The following EXOC2 variants were observed in gnomAD, a reference collection of about 807,000 sequenced individuals.
EXOC2 encodes exocyst complex component 2, also known as SEC5-like 1.
A neutral mutation model predicts 131.8 loss-of-function variants in EXOC2; 70 were observed. The ratio of observed to expected loss-of-function variants is 0.53; its 90% confidence interval spans 0.44 to 0.65. EXOC2 has a LOEUF of 0.65. Among genes scored for constraint, EXOC2 ranks in the 30% least tolerant of loss-of-function variants. The pLI is 0.00. For synonymous variants in EXOC2, 411 were observed against 398.4 expected (o/e 1.03, Z -0.38); for missense variants, 923 against 1,108.6 (o/e 0.83, Z 2.38).
In EXOC2 at chr6:507,336, C is replaced by A. The variant is rs569958241; in HGVS notation, c.2381-7636G>T. 2.2e-4 allele frequency among the ~76,000 whole-genome samples: 12 copies of A among 55,354 alleles called. No homozygotes were observed. In the South Asian group the frequency reaches 0.016, roughly 72 times the overall value. 36.3% of individuals were successfully genotyped at this position (55,354 alleles called of 152,430 possible). ...ACACACACAAAGAAGTGACCCCCCC[C>A]ACACACACCACAGCAGTGACCCCAC... is the stretch of plus-strand genomic sequence containing the variant. On this transcript the variant is annotated intron_variant, in intron 23 of 27. Transcript: ENST00000230449.
At chr6:502,338 C>T (rs973879615) in intron 23 of EXOC2, among the ~76,000 whole-genome samples, 10 of 152,208 alleles carry the variant, frequency 6.6e-5, no homozygotes, top group South Asian at 6.2e-4. Flanking sequence ...ACTGGAAATG[C>T]GAAGGCAGTT....
chr6:596,169 C>T (rs191377300), intron 10 of EXOC2, among the ~76,000 whole-genome samples: 2 of 151,926 alleles, frequency 1.3e-5, no homozygotes, highest in African/African-American at 4.8e-5. Flanking sequence ...GGGGTGGCAG[C>T]ATGCAAACAC....
intron 1 of EXOC2, among the ~76,000 whole-genome samples, chr6:658,130 A>C (rs551890488): frequency 1.5e-4 from 23 of 152,250 alleles, no homozygotes; most frequent in Non-Finnish European, 2.2e-4. Context: ...CCTAGCTGAT[A>C]CACATAATTC....
Position 556,040 on chromosome 6 carries a change from T to C in EXOC2, c.1933-27A>G, listed in dbSNP as rs777527727. On this transcript the variant is annotated intron_variant, in intron 18 of 27. Transcript: ENST00000230449. ...TGTAAGGAAGAATTTTGATGAAAAT[T>C]TTTGGACTTTGCTAAGAAAAGGTTT... 1.7e-5 allele frequency: 27 copies of C among 1,609,314 alleles called. No individual in the cohort carries two copies. The African/African-American group carries it at 3.0e-4, about 18-fold the overall frequency.
At chr6:575,301 C>G (rs1758512933) in intron 12 of EXOC2, among the ~76,000 whole-genome samples, 1 of 152,180 alleles carries the variant, frequency 6.6e-6, no homozygotes, top group Admixed American at 6.5e-5. Flanking sequence ...AAGAACAGTT[C>G]TTATATTTTG....
chr6:667,707 C>A (rs192845852), intron 1 of EXOC2, among the ~76,000 whole-genome samples: 1 of 76,926 alleles, frequency 1.3e-5, no homozygotes, highest in African/African-American at 3.7e-5. Flanking sequence ...TGGCCTCAGA[C>A]TGAGAGATAC....
intron 11 of EXOC2, among the ~76,000 whole-genome samples, chr6:581,192 A>T (rs1758876572): frequency 6.6e-6 from 1 of 151,850 alleles, no homozygotes. Flanking sequence ...GCTACTCGAG[A>T]GGCTGAGGCA....
Position 599,165 on chromosome 6 carries a change from T to A in EXOC2, c.803A>T (p.Asp268Val). 6.2e-7 allele frequency: 1 copy of A among 1,613,128 alleles called. No homozygotes were observed. The highest frequency in any genetic ancestry group is 2.2e-5 in the East Asian group (1 of 44,800). Residue 268 changes from aspartate (D) to valine (V), a missense_variant, in exon 8 of 28, where the codon GAT (aspartate) becomes GTT (valine). By Grantham distance (152) the Asp-to-Val change is radical. Transcript: ENST00000230449. ...QEVLGRKDKADSTRNALNVLQ... is the reference protein window; with the variant it reads ...QEVLGRKDKAVSTRNALNVLQ... ...CACATTGAGTGCATTTCTAGTGGAA[T>A]CTGCCTTGTCTTTCCGACCTAATAC... is the stretch of plus-strand genomic sequence containing the variant.
chr6:505,320 G>C (rs980118179), intron 23 of EXOC2, among the ~76,000 whole-genome samples: 21 of 152,184 alleles, frequency 1.4e-4, no homozygotes. Flanking sequence ...TCAAATGCCG[G>C]TGATGGCTGG....
chr6:569,239 A>C (rs1222130134), intron 13 of EXOC2, among the ~76,000 whole-genome samples: 8 of 152,218 alleles, frequency 5.3e-5, no homozygotes, highest in African/African-American at 1.9e-4. Flanking sequence ...TAAAGGTGAG[A>C]TCTTAACCTA....
chr6:576,915 T>TAG, intron 11 of EXOC2, 33 bp from the exon 12 acceptor site: 1 of 1,604,982 alleles, frequency 6.2e-7, no homozygotes, highest in Non-Finnish European at 8.5e-7. Flanking sequence ...ACAGAGTATA[T>TAG]AGCATGCTCT....
intron 11 of EXOC2, among the ~76,000 whole-genome samples, chr6:578,865 G>T (rs1293452148): frequency 1.3e-5 from 2 of 151,980 alleles, no homozygotes; most frequent in Non-Finnish European, 2.9e-5. Context: ...AGTGATTTAT[G>T]ACATTTTCCT....
intron 1 of EXOC2, among the ~76,000 whole-genome samples, chr6:644,267 CAAAG>C (rs1475474918): frequency 1.3e-5 from 2 of 152,042 alleles, no homozygotes; most frequent in Non-Finnish European, 2.9e-5. Context: ...AAATAGATGT[CAAAG>C]AAGCCTTTGA....
At chr6:489,092 A>C in intron 26 of EXOC2, 54 bp from the exon 27 acceptor site, 1 of 1,556,342 alleles carries the variant, frequency 6.4e-7, no homozygotes, top group East Asian at 2.3e-5. Flanking sequence ...AGAACTGCTG[A>C]CAAATTCTTA....
chr6:589,806 TG>T (rs991301456), intron 11 of EXOC2, among the ~76,000 whole-genome samples: 2 of 152,196 alleles, frequency 1.3e-5, no homozygotes, highest in African/African-American at 4.8e-5. Context: ...AATTGATAAC[TG>T]GTTGTTAAAA....
intron 4 of EXOC2, among the ~76,000 whole-genome samples, chr6:623,230 A>G (rs1176672829): frequency 1.3e-5 from 2 of 152,214 alleles, no homozygotes; most frequent in East Asian, 3.9e-4. Context: ...GGGAGGCCCA[A>G]GCCCCTGGAG....
intron 4 of EXOC2, among the ~76,000 whole-genome samples, chr6:629,431 A>T (rs1433310917): frequency 2.6e-5 from 4 of 152,220 alleles, no homozygotes; most frequent in Non-Finnish European, 5.9e-5. Flanking sequence ...ATGAGTAGAC[A>T]TTATAGACAA....
In EXOC2 at chr6:496,686, T is replaced by C. The variant is rs138577172; in HGVS notation, c.2559+681A>G. 4.8e-3 allele frequency among the ~76,000 whole-genome samples: 726 copies of C among 152,334 alleles called. 6 individuals are homozygous for C. The highest frequency in any genetic ancestry group is 0.017 in the African/African-American group (691 of 41,568). On this transcript the variant is annotated intron_variant, in intron 25 of 27. Transcript: ENST00000230449. ...AATCTGCCCACCAATGGTCGTTCTC[T>C]GGTGTCTTCAGGGATTTTTTCAAAA...
intron 26 of EXOC2, among the ~76,000 whole-genome samples, chr6:490,703 A>G (rs1433836976): frequency 6.6e-6 from 1 of 152,210 alleles, no homozygotes; most frequent in Admixed American, 6.5e-5. Flanking sequence ...TCACCTACTG[A>G]TATTTCAATG....
Sources: gnomAD v4.1 joint callset for allele counts (sites outside exome capture counted in the v4.1 genomes callset) on GRCh38, gnomAD v4.1.1 for gene constraint, MANE v1.5 for transcripts, NCBI Gene and HGNC (gene_info 2026-07-23, HGNC 2026-07-21) for gene names.